Variants in SYTL5 observed in about 807,000 individuals in gnomAD.
The protein encoded by SYTL5 is synaptotagmin-like protein 5.
Under a neutral mutation model 55.9 loss-of-function variants are expected in SYTL5, and 34 were observed. The ratio of observed to expected loss-of-function variants is 0.61; its 90% CI spans 0.46 to 0.81. The LOEUF is 0.81. Ranked by LOEUF, SYTL5 falls within the 30% of genes least tolerant of loss-of-function variation. The pLI is 0.00. For missense variants in SYTL5, 637 were observed against 546.7 expected (o/e 1.17, Z -1.65); for synonymous variants, 221 against 188.7 (o/e 1.17, Z -1.40).
the SYTL5 span, chrX:37,991,274 G>A: frequency 8.9e-7 from 1 of 1,124,559 alleles, no homozygotes; most frequent in Non-Finnish European, 1.2e-6. Context: ...AATATCTGCT[G>A]TTGTCATCAA....
intron 13 of SYTL5, among the ~76,000 whole-genome samples, chrX:38,112,466 T>A (rs755411627): frequency 8.9e-6 from 1 of 112,075 alleles, no homozygotes; most frequent in South Asian, 3.8e-4. Flanking sequence ...TCTTTACTGG[T>A]CTCTCTGAGA....
At position 38,073,678 on chromosome X, in the gene SYTL5, T is replaced by C. The variant is rs1158889330; in HGVS notation, c.534T>C (p.His178=). The C allele has an allele frequency of 1.7e-6, 2 of 1,190,305 alleles. No homozygotes were observed. The highest frequency in any genetic ancestry group is 3.5e-5 in the African/African-American group (2 of 56,736). The change falls in exon 5 of 17, where the codon CAT becomes CAC. Residue 178 remains histidine, a synonymous_variant. Transcript: ENST00000297875. The stretch of plus-strand genomic sequence containing the variant: ...CTGTTGCTGGGAAGAAGGCCAGCCA[T>C]GATGGGCCCAAGAGAAAGGGGTAAG... The part of the protein sequence containing the change: ...TSPVAGKKAS[H]DGPKRKGFLL...
chrX:37,895,452 C>CCTTT, the SYTL5 span, among the ~76,000 whole-genome samples: 10 of 93,642 alleles, frequency 1.1e-4, no homozygotes, highest in African/African-American at 5.1e-4. Flanking sequence ...TTCCTTCCTT[C>CCTTT]CTTCCCTCCC....
At chrX:37,990,686 A>C in the SYTL5 span, 3 of 786,272 alleles carry the variant, frequency 3.8e-6, no homozygotes, top group African/African-American at 6.4e-5. Flanking sequence ...GAAATCACAA[A>C]GTCTAGGGAT....
At chrX:37,920,446 C>T in the SYTL5 span, among the ~76,000 whole-genome samples, 1 of 110,342 alleles carries the variant, frequency 9.1e-6, no homozygotes, top group Non-Finnish European at 1.9e-5. Context: ...AGAATCGTCT[C>T]CTCCAGCCAA....
At chrX:38,070,460 T>C (rs1376009003) in intron 3 of SYTL5, among the ~76,000 whole-genome samples, 1 of 111,116 alleles carries the variant, frequency 9.0e-6, no homozygotes, top group East Asian at 2.8e-4. Flanking sequence ...TACCCTGATT[T>C]GCATCTTCAT....
chrX:38,022,685 A>G (rs1438322999), intron 1 of SYTL5, among the ~76,000 whole-genome samples: 1 of 112,352 alleles, frequency 8.9e-6, no homozygotes, highest in Non-Finnish European at 1.9e-5. Flanking sequence ...CCTTTCACGT[A>G]ATCACATCTG....
At chrX:37,902,279 C>T in the SYTL5 span, among the ~76,000 whole-genome samples, 1 of 112,152 alleles carries the variant, frequency 8.9e-6, no homozygotes, top group Non-Finnish European at 1.9e-5. Context: ...GCCTTTCTGT[C>T]TTAGACTTCC....
chrX:37,993,243 C>T, the SYTL5 span, among the ~76,000 whole-genome samples: 1 of 111,768 alleles, frequency 8.9e-6, no homozygotes, highest in South Asian at 3.7e-4. Flanking sequence ...CAATGAACAA[C>T]AACAACAACA....
At chrX:37,994,186 C>T in the SYTL5 span, among the ~76,000 whole-genome samples, 7 of 112,045 alleles carry the variant, frequency 6.2e-5, no homozygotes, top group Non-Finnish European at 1.1e-4. Flanking sequence ...ACACCAATGA[C>T]ATCAAAAAGT....
At chrX:38,012,790 A>G (rs1475298099) in intron 1 of SYTL5, among the ~76,000 whole-genome samples, 2 of 112,162 alleles carry the variant, frequency 1.8e-5, no homozygotes, top group Non-Finnish European at 3.8e-5. Context: ...GTGACATTAT[A>G]TCAAAGATCA....
intron 13 of SYTL5, among the ~76,000 whole-genome samples, chrX:38,115,585 CACTT>C (rs924451292): frequency 1.8e-4 from 19 of 105,248 alleles, no homozygotes; most frequent in African/African-American, 6.6e-4. Flanking sequence ...AGTTCTATAA[CACTT>C]ACTATATTTA....
At chrX:37,934,716 C>T in the SYTL5 span, among the ~76,000 whole-genome samples, 3 of 107,273 alleles carry the variant, frequency 2.8e-5, no homozygotes, top group Non-Finnish European at 5.8e-5. Flanking sequence ...CTTATGCAAC[C>T]TCTGCTTCCT....
chrX:37,934,761 G>A, the SYTL5 span, among the ~76,000 whole-genome samples: 1 of 108,407 alleles, frequency 9.2e-6, no homozygotes, highest in African/African-American at 3.4e-5. Flanking sequence ...AACCTCCCAA[G>A]TTGCTGGGAC....
In SYTL5 at chrX:38,115,713, A is replaced by G. The variant is rs905951513; in HGVS notation, c.1597-4645A>G. On this transcript the variant is annotated intron_variant, in intron 13 of 16. Transcript: ENST00000297875. ...AGCATTTTGTCACACACTTTTGGCCATTTGTATGTCTTCTTTTGAGAGATG... is the reference window on the plus strand; with the variant it reads ...AGCATTTTGTCACACACTTTTGGCCGTTTGTATGTCTTCTTTTGAGAGATG... Among the ~76,000 whole-genome samples, 8 of 110,969 alleles carry G rather than the reference A, an allele frequency of 7.2e-5. No individual in the cohort carries two copies. In the Admixed American group the frequency reaches 7.6e-4, roughly 11 times the overall value.
chrX:38,061,322 C>T (rs985724364), intron 3 of SYTL5, among the ~76,000 whole-genome samples: 3 of 112,111 alleles, frequency 2.7e-5, no homozygotes, highest in Non-Finnish European at 5.6e-5. Context: ...GAGACTTAAA[C>T]TATATCTCAG....
At chrX:37,935,739 A>T in the SYTL5 span, among the ~76,000 whole-genome samples, 5 of 112,482 alleles carry the variant, frequency 4.4e-5, no homozygotes, top group Admixed American at 2.8e-4. Context: ...AAAATATCTT[A>T]AAAAAATACA....
At position 38,108,632 on chromosome X, in the gene SYTL5, C is replaced by G; in HGVS notation, c.1367C>G (p.Ser456Cys). The change falls in exon 12 of 17, where the codon TCC (serine) becomes TGC (cysteine). Residue 456 changes from serine (S) to cysteine (C), a missense_variant. Transcript: ENST00000297875. Reference protein sequence around the residue: ...YVKSYLLPDKSRNNKRKTKIR... With the variant: ...YVKSYLLPDKCRNNKRKTKIR... ...AAGTCATATCTTCTTCCTGACAAGT[C>G]CCGGAACAACAAGCGTAAGACCAAA... 2 of 1,200,383 alleles carry G rather than the reference C, an allele frequency of 1.7e-6. No individual in the cohort carries two copies. Among genetic ancestry groups the G allele is most frequent in the Non-Finnish European group, 2.3e-6 (2 of 888,050 alleles).
the SYTL5 span, among the ~76,000 whole-genome samples, chrX:37,910,043 G>A: frequency 9.0e-6 from 1 of 111,360 alleles, no homozygotes; most frequent in Non-Finnish European, 1.9e-5. Context: ...CTCTGGGAAT[G>A]GAACCCAGGT....
Sources: gnomAD v4.1 joint callset for allele counts (sites outside exome capture counted in the v4.1 genomes callset) on GRCh38, gnomAD v4.1.1 for gene constraint, MANE v1.5 for transcripts, NCBI Gene and HGNC (gene_info 2026-07-23, HGNC 2026-07-21) for gene names.